ZMIZ1: variants seen among roughly 807,000 people sequenced by gnomAD.
ZMIZ1 encodes zinc finger MIZ domain-containing protein 1.
A neutral mutation model predicts 113.9 loss-of-function variants in ZMIZ1; 17 were observed. That is an observed-to-expected ratio of 0.15 (90% confidence interval 0.10 to 0.22). The LOEUF (loss-of-function observed/expected upper bound fraction) is 0.22, where lower values mean the gene tolerates loss of function less well. Ranked by LOEUF, ZMIZ1 falls within the 10% of genes least tolerant of loss-of-function variation. The pLI is 1.00. For synonymous variants in ZMIZ1, 607 were observed against 603.1 expected (o/e 1.01, Z -0.09); for missense variants, 1,059 against 1,477.8 (o/e 0.72, Z 4.65).
At chr10:79,248,781 G>C (rs990797961) in intron 7 of ZMIZ1, among the ~76,000 whole-genome samples, 1 of 152,140 alleles carries the variant, frequency 6.6e-6, no homozygotes, top group African/African-American at 2.4e-5. Flanking sequence ...TCTCTCCCTA[G>C]TCCCTCGGGG....
intron 7 of ZMIZ1, among the ~76,000 whole-genome samples, chr10:79,253,566 G>C (rs1373238041): frequency 1.3e-5 from 2 of 152,194 alleles, no homozygotes; most frequent in African/African-American, 2.4e-5. Flanking sequence ...GCAAGGGGTG[G>C]GAACTGAGGG....
Position 79,168,193 on chromosome 10 carries a change from G to T in ZMIZ1, c.-50+6060G>T, listed in dbSNP as rs542067962. Among the ~76,000 whole-genome samples, 10 of 152,318 alleles carry T rather than the reference G, an allele frequency of 6.6e-5. No individual in the cohort carries two copies. The East Asian group carries it at 1.4e-3, about 21-fold the overall frequency. The stretch of plus-strand genomic sequence containing the variant: ...TGTTTGCCTCTGCTCAGGCAGTGTG[G>T]CAGGGAGTCATGGAAGGTTCAGGTG... On this transcript the variant is annotated intron_variant, in intron 4 of 24. Transcript: ENST00000334512.
At chr10:79,082,849 G>A (rs1842702008) in intron 1 of ZMIZ1, among the ~76,000 whole-genome samples, 1 of 152,182 alleles carries the variant, frequency 6.6e-6, no homozygotes, top group Admixed American at 6.5e-5. Flanking sequence ...TCCTGCTGGT[G>A]GGGCCTCGTG....
At chr10:79,097,101 C>A (rs1843192349) in intron 1 of ZMIZ1, among the ~76,000 whole-genome samples, 1 of 152,210 alleles carries the variant, frequency 6.6e-6, no homozygotes, top group Non-Finnish European at 1.5e-5. Context: ...GCTCCACTTG[C>A]CCCCGGGTCG....
intron 10 of ZMIZ1, among the ~76,000 whole-genome samples, chr10:79,291,651 C>CA (rs1246796758): frequency 6.6e-6 from 1 of 152,190 alleles, no homozygotes; most frequent in East Asian, 1.9e-4. Context: ...CAGGGACTCC[C>CA]AGGATATGGA....
At chr10:79,233,044 G>T (rs1207995131) in intron 7 of ZMIZ1, among the ~76,000 whole-genome samples, 1 of 152,236 alleles carries the variant, frequency 6.6e-6, no homozygotes, top group Non-Finnish European at 1.5e-5. Flanking sequence ...TGTCAGTACT[G>T]GTTGTTCCTC....
At chr10:79,108,002 A>G (rs1284565021) in intron 1 of ZMIZ1, among the ~76,000 whole-genome samples, 1 of 151,984 alleles carries the variant, frequency 6.6e-6, no homozygotes, top group East Asian at 1.9e-4. Flanking sequence ...TCCTCTCAGC[A>G]TCTGTCTATG....
chr10:79,256,797 C>T (rs1396955106), intron 7 of ZMIZ1, among the ~76,000 whole-genome samples: 1 of 152,224 alleles, frequency 6.6e-6, no homozygotes, highest in Non-Finnish European at 1.5e-5. Context: ...TCACAGGCAT[C>T]CATATCCAGG....
In ZMIZ1 at chr10:79,216,228, G is replaced by A. The variant is rs1848723230; in HGVS notation, c.234G>A (p.Leu78=). ...GFDLDLGYRL[L]AVCAANRDKF... ...ACCTGGACCTCGGCTACAGACTGCT[G>A]GCTGTGTGTGCTGCAAACCGAGACA... is the stretch of plus-strand genomic sequence containing the variant. Residue 78 remains leucine, a synonymous_variant, in exon 7 of 25, where the codon CTG becomes CTA. Coordinates refer to ENST00000334512, the MANE Select transcript of ZMIZ1 (RefSeq NM_020338.4). The A allele has an allele frequency of 6.3e-7, 1 of 1,581,516 alleles. No individual in the cohort carries two copies. Among genetic ancestry groups the A allele is most frequent in the African/African-American group, 1.4e-5 (1 of 73,172 alleles).
intron 3 of ZMIZ1, among the ~76,000 whole-genome samples, chr10:79,141,419 T>G (rs1845259898): frequency 6.6e-6 from 1 of 152,026 alleles, no homozygotes; most frequent in African/African-American, 2.4e-5. Flanking sequence ...GAGTCTACAG[T>G]GTAAAGTACT....
intron 1 of ZMIZ1, among the ~76,000 whole-genome samples, chr10:79,103,293 C>G (rs1272211243): frequency 4.0e-5 from 6 of 151,160 alleles, no homozygotes; most frequent in Admixed American, 3.3e-4. Flanking sequence ...CGTGGGGATG[C>G]CTGGGGTGGG....
At chr10:79,225,081 AC>A (rs1383664544) in intron 7 of ZMIZ1, among the ~76,000 whole-genome samples, 18 of 151,782 alleles carry the variant, frequency 1.2e-4, no homozygotes. Context: ...AGGTGGATGA[AC>A]CCTTGGCACT....
chr10:79,207,097 T>C (rs1848347811), intron 5 of ZMIZ1, among the ~76,000 whole-genome samples: 1 of 152,042 alleles, frequency 6.6e-6, no homozygotes, highest in African/African-American at 2.4e-5. Context: ...GAAGGCAGAG[T>C]GTGGATTCCC....
At position 79,305,160 on chromosome 10, in the gene ZMIZ1, G is replaced by A; in HGVS notation, c.2287-4G>A. ...CTCACCTGTGTCTGTCTGTCTGTCT[G>A]CAGTGCTTTGATCTGGAGTCATACC... On this transcript the variant is annotated splice_region_variant and splice_polypyrimidine_tract_variant and intron_variant, in intron 19 of 24. Coordinates refer to ENST00000334512, the MANE Select transcript of ZMIZ1 (RefSeq NM_020338.4). 1 of 1,614,148 alleles carries A rather than the reference G, an allele frequency of 6.2e-7. No individual in the cohort carries two copies. Among genetic ancestry groups the A allele is most frequent in the South Asian group, 1.1e-5 (1 of 91,076 alleles).
chr10:79,104,516 A>G (rs377642775), intron 1 of ZMIZ1, among the ~76,000 whole-genome samples: 1 of 152,328 alleles, frequency 6.6e-6, no homozygotes, highest in East Asian at 1.9e-4. Flanking sequence ...CTGAGCTTGC[A>G]GGGGTGAATA....
intron 2 of ZMIZ1, among the ~76,000 whole-genome samples, chr10:79,131,537 T>G (rs1477787911): frequency 6.6e-6 from 1 of 152,180 alleles, no homozygotes; most frequent in South Asian, 2.1e-4. Context: ...GTCCTAATGA[T>G]GAGTTTGCAG....
rs151152409 is a variant in ZMIZ1, at chr10:79,094,626, G to A, written c.-336-24289G>A. ...TGATTTTGGACAAGACCAAGGCCTC[G>A]CTGGGCATCACTGTCTTCTTCAGAA... On this transcript the variant is annotated intron_variant, in intron 1 of 24. Transcript: ENST00000334512. Among the ~76,000 whole-genome samples, 454 of 152,284 alleles carry A rather than the reference G, an allele frequency of 3.0e-3. 4 individuals are homozygous for A. Among genetic ancestry groups the A allele is most frequent in the Middle Eastern group, 0.01 (3 of 294 alleles).
rs185967822 is a variant in ZMIZ1, at chr10:79,298,348, A to G, written c.1492-58A>G. 6 of 1,559,690 alleles carry G rather than the reference A, an allele frequency of 3.8e-6. No homozygotes were observed. In the East Asian group the frequency reaches 1.4e-4, roughly 36 times the overall value. ...ATGAGTGCGGTGTATGTCCATAGCC[A>G]TGGCCCCTTCTGTCTCCGTAATCCC... On this transcript the variant is annotated intron_variant, in intron 14 of 24. Transcript: ENST00000334512.
At chr10:79,288,736 C>T (rs1224237742) in intron 8 of ZMIZ1, among the ~76,000 whole-genome samples, 1 of 152,132 alleles carries the variant, frequency 6.6e-6, no homozygotes, top group Admixed American at 6.5e-5. Context: ...GTCTTCATGC[C>T]CTGCCCCTTC....
Sources: allele counts gnomAD v4.1 joint callset (sites outside exome capture counted in the v4.1 genomes callset), GRCh38; gene constraint gnomAD v4.1.1; transcripts MANE v1.5; gene names NCBI Gene and HGNC (gene_info 2026-07-23, HGNC 2026-07-21).